Variants in ANGPTL6 observed in about 807,000 individuals in gnomAD.
The protein encoded by ANGPTL6 is angiopoietin-related protein 6.
ANGPTL6 carries 45 observed loss-of-function variants against 47.4 expected under a neutral mutation model. That is an observed-to-expected ratio of 0.95 (90% CI 0.75 to 1.22). The LOEUF is 1.22. Among genes scored for constraint, ANGPTL6 ranks in the 50% most tolerant of loss-of-function variants. The pLI is 0.00. For synonymous variants in ANGPTL6, 290 were observed against 295.9 expected (o/e 0.98, Z 0.20); for missense variants, 698 against 669.4 (o/e 1.04, Z -0.47).
upstream of ANGPTL6, among the ~76,000 whole-genome samples, chr19:10,103,685 GAC>G (rs1407873664): frequency 3.3e-5 from 5 of 150,690 alleles, no homozygotes; most frequent in Middle Eastern, 3.5e-3. Flanking sequence ...AAATATAAAA[GAC>G]ACAGCTGTAA....
At position 10,094,934 on chromosome 19, in the gene ANGPTL6, A is replaced by C. The variant is rs770701559; in HGVS notation, c.587T>G (p.Leu196Arg). The change falls in exon 3 of 6, where the codon CTG (leucine) becomes CGG (arginine). Residue 196 changes from leucine to arginine, a missense_variant. Coordinates refer to ENST00000253109, the MANE Select transcript of ANGPTL6 (RefSeq NM_031917.3). ...CACAGGCACCAGTGGGGGTGGCGGC[A>C]GGACCTGGGGTGACGGAGAAAGTCA... is the stretch of plus-strand genomic sequence containing the variant. ...PGGAGGQQQVLPPPPLVPVVP... is the reference protein window; with the variant it reads ...PGGAGGQQQVRPPPPLVPVVP... 1.9e-6 allele frequency: 3 copies of C among 1,608,674 alleles called. No homozygotes were observed. Among genetic ancestry groups the C allele is most frequent in the Non-Finnish European group, 2.5e-6 (3 of 1,176,660 alleles).
intron 1 of ANGPTL6, among the ~76,000 whole-genome samples, chr19:10,102,000 C>CA (rs1363314469): frequency 1.3e-5 from 2 of 148,614 alleles, no homozygotes; most frequent in East Asian, 3.9e-4. Flanking sequence ...CCTGTAGCCC[C>CA]AGCCACTCCA....
At chr19:10,092,853 T>A in intron 5 of ANGPTL6, 74 bp from the exon 6 acceptor site, 1 of 1,282,730 alleles carries the variant, frequency 7.8e-7, no homozygotes, top group Non-Finnish European at 1.1e-6. Flanking sequence ...GTGCAAGGCT[T>A]TTGCCAGGCA....
chr19:10,093,602 T>C lies in ANGPTL6; in HGVS notation c.969A>G (p.Pro323=). 6.2e-7 allele frequency: 1 copy of C among 1,613,730 alleles called. No homozygotes were observed. The highest frequency in any genetic ancestry group is 8.5e-7 in the Non-Finnish European group (1 of 1,179,722). ...WQHYKAGFGR[P]DGEYWLGLEP... ...CAAGGCCCAGCCAGTATTCTCCGTC[T>C]GGCCGCCCAAAGCCCGCCTGGCAGG... The change falls in exon 5 of 6, where the codon CCA becomes CCG. Residue 323 remains proline (P), a synonymous_variant. Transcript: ENST00000253109.
Position 10,094,910 on chromosome 19 carries a change from A to T in ANGPTL6, c.611T>A (p.Val204Glu). Residue 204 changes from valine (V) to glutamate (E), a missense_variant, in exon 3 of 6, where the codon GTG becomes GAG. Transcript: ENST00000253109. ...GCTACCCACAAGACGGACCGGAACC[A>T]CAGGCACCAGTGGGGGTGGCGGCAG... ...QVLPPPPLVP[V>E]VPVRLVGSTS... 6.2e-7 allele frequency: 1 copy of T among 1,612,006 alleles called. No individual in the cohort carries two copies. The highest frequency in any genetic ancestry group is 8.5e-7 in the Non-Finnish European group (1 of 1,178,860).
At chr19:10,102,927 C>G, upstream of ANGPTL6, 1 of 320,448 alleles carries the variant, frequency 3.1e-6, no homozygotes, top group Non-Finnish European at 4.5e-6. Flanking sequence ...AGGCTGCAGG[C>G]CCTGGGGCAG....
intron 1 of ANGPTL6, among the ~76,000 whole-genome samples, chr19:10,100,626 G>A (rs146011418): frequency 6.6e-6 from 1 of 152,336 alleles, no homozygotes; most frequent in East Asian, 1.9e-4. Context: ...TTCAACCACA[G>A]ACACCTTGAG....
chr19:10,098,329 G>T (rs2088595495), intron 1 of ANGPTL6, among the ~76,000 whole-genome samples: 1 of 150,936 alleles, frequency 6.6e-6, no homozygotes, highest in Non-Finnish European at 1.5e-5. Flanking sequence ...TCCAGCCTGG[G>T]GACGAGAGCA....
upstream of ANGPTL6, among the ~76,000 whole-genome samples, chr19:10,105,075 G>A (rs140808530): frequency 1.6e-4 from 25 of 152,286 alleles, no homozygotes; most frequent in East Asian, 3.5e-3. Context: ...CCCCACCGAC[G>A]ACCAGCCACA....
chr19:10,093,437 G>A lies in ANGPTL6; in HGVS notation c.1134C>T (p.Gly378=), dbSNP rs2088446050. The A allele has an allele frequency of 7.4e-6, 12 of 1,614,210 alleles. No individual in the cohort carries two copies. The highest frequency in any genetic ancestry group is 1.0e-5 in the Non-Finnish European group (12 of 1,180,044). ...AGTCTCCAGCATCACCATGGTACTG[G>A]CCAAGCCGCAGGCGGTAGTGGTCGC... ...PESDHYRLRL[G]QYHGDAGDSL... Residue 378 remains glycine, a synonymous_variant, in exon 5 of 6, where the codon GGC becomes GGT. Coordinates refer to ENST00000253109, the MANE Select transcript of ANGPTL6 (RefSeq NM_031917.3).
rs1386210971 is a variant in ANGPTL6 at position 10,096,220 on chromosome 19, T to C, written c.344A>G (p.Gln115Arg). The change falls in exon 2 of 6, where the codon CAG (glutamine) becomes CGG (arginine). Residue 115 changes from glutamine (Q) to arginine (R), a missense_variant. Coordinates refer to ENST00000253109, the MANE Select transcript of ANGPTL6 (RefSeq NM_031917.3). ...ARLGQLRAQL[Q>R]HEAGPGAGPG... ...GCCCGCCCCGGGCCCCGCCTCGTGC[T>C]GCAGCTGCGCGCGCAACTGGCCCAG... 3 of 1,199,510 alleles carry C rather than the reference T, an allele frequency of 2.5e-6. No homozygotes were observed. Among genetic ancestry groups the C allele is most frequent in the Non-Finnish European group, 2.1e-6 (2 of 968,056 alleles). The allele number at this position is 1,199,510 out of a possible 1,614,324, so 74.3% of individuals were successfully genotyped here. A position where few individuals can be genotyped will look rare whatever the true frequency, so the allele number is the denominator to read the frequency against.
At chr19:10,101,334 A>G (rs1267920043) in intron 1 of ANGPTL6, among the ~76,000 whole-genome samples, 2 of 151,772 alleles carry the variant, frequency 1.3e-5, no homozygotes, top group African/African-American at 4.8e-5. Context: ...GCTTGAGCCT[A>G]GGAGTTTGAG....
chr19:10,094,528 A>T, intron 3 of ANGPTL6: 2 of 602,842 alleles, frequency 3.3e-6, no homozygotes, highest in Non-Finnish European at 5.8e-6. Flanking sequence ...GAACCAGTTC[A>T]AACTCTTACC....
At chr19:10,096,651 G>T in intron 1 of ANGPTL6, 78 bp from the exon 2 acceptor site, 1 of 1,144,314 alleles carries the variant, frequency 8.7e-7, no homozygotes, top group Non-Finnish European at 1.2e-6. Flanking sequence ...GCGGGGATGC[G>T]CGCGTCTACA....
chr19:10,102,348 C>T (rs190786957), intron 1 of ANGPTL6, among the ~76,000 whole-genome samples: 132 of 151,560 alleles, frequency 8.7e-4, no homozygotes, highest in African/African-American at 3.1e-3. Context: ...CACAAGGATC[C>T]GGGGGTAGGG....
At position 10,094,913 on chromosome 19, in the gene ANGPTL6, G is replaced by C. The variant is rs1253793050; in HGVS notation, c.608C>G (p.Pro203Arg). The C allele has an allele frequency of 6.2e-7, 1 of 1,611,078 alleles. No individual in the cohort carries two copies. The highest frequency in any genetic ancestry group is 2.2e-5 in the East Asian group (1 of 44,826). Reference protein sequence around the residue: ...QQVLPPPPLVPVVPVRLVGST... With the variant: ...QQVLPPPPLVRVVPVRLVGST... ...ACCCACAAGACGGACCGGAACCACA[G>C]GCACCAGTGGGGGTGGCGGCAGGAC... The change falls in exon 3 of 6, where the codon CCT (proline) becomes CGT (arginine). Residue 203 changes from proline to arginine, a missense_variant. By Grantham distance (103) the Pro-to-Arg change is moderately radical. Transcript: ENST00000253109.
intron 1 of ANGPTL6, among the ~76,000 whole-genome samples, chr19:10,102,001 A>G (rs1452125144): frequency 2.7e-5 from 4 of 149,084 alleles, no homozygotes; most frequent in African/African-American, 9.8e-5. Context: ...CTGTAGCCCC[A>G]GCCACTCCAG....
upstream of ANGPTL6, among the ~76,000 whole-genome samples, chr19:10,105,122 A>G (rs1418537572): frequency 1.3e-5 from 2 of 152,170 alleles, no homozygotes; most frequent in East Asian, 3.8e-4. Flanking sequence ...GGTCTGCACC[A>G]TCCTGAGCTC....
In ANGPTL6 at chr19:10,102,657, C is replaced by G; in HGVS notation, c.-100G>C. ...CCGAGGGTCCAGTGGGGCCTCTGAGCTAGAGACGGGGAGAGGGCAGTGGGA... is the reference window on the plus strand; with the variant it reads ...CCGAGGGTCCAGTGGGGCCTCTGAGGTAGAGACGGGGAGAGGGCAGTGGGA... On this transcript the variant is annotated 5_prime_UTR_variant, in exon 1 of 6. Transcript: ENST00000253109. 1.0e-6 allele frequency: 1 copy of G among 984,850 alleles called. No individual in the cohort carries two copies. The highest frequency in any genetic ancestry group is 1.2e-6 in the Non-Finnish European group (1 of 829,532). The allele number at this position is 984,850 out of a possible 1,614,324, so 61.0% of individuals were successfully genotyped here. A position where few individuals can be genotyped will look rare whatever the true frequency, so the allele number is the denominator to read the frequency against.
Sources: gnomAD v4.1 joint callset for allele counts (sites outside exome capture counted in the v4.1 genomes callset) on GRCh38, gnomAD v4.1.1 for gene constraint, MANE v1.5 for transcripts, NCBI Gene and HGNC (gene_info 2026-07-23, HGNC 2026-07-21) for gene names.